The following GPC1 variants were observed in gnomAD, a reference collection of about 807,000 sequenced individuals.
GPC1 encodes glypican-1.
In GPC1, 26 loss-of-function variants were observed where a neutral mutation model predicts 51.5. The observed-to-expected ratio is 0.50, with a 90% CI of 0.37 to 0.70. The LOEUF (loss-of-function observed/expected upper bound fraction) is 0.70, where lower values mean the gene tolerates loss of function less well. GPC1 is among the 30% of genes least tolerant of loss of function. The pLI, the probability that GPC1 is intolerant of heterozygous loss-of-function variation, is 0.00. For missense variants in GPC1, 775 were observed against 800.5 expected (o/e 0.97, Z 0.38); for synonymous variants, 380 against 348.3 (o/e 1.09, Z -1.01).
In GPC1 at chr2:240,465,629, C is replaced by T. The variant is rs757368242; in HGVS notation, c.1425C>T (p.Asp475=). The change falls in exon 8 of 9, where the codon GAC becomes GAT. Residue 475 remains aspartate (D), a synonymous_variant. Transcript: ENST00000264039. ...NRLRSAYNGN[D]VDFQDASDDG... is the part of the protein sequence containing the mutation. Reference sequence around the variant, plus strand: ...TGCGCAGCGCCTACAACGGCAACGACGTGGACTTCCAGGACGCCAGTGAGG... The same window carrying T: ...TGCGCAGCGCCTACAACGGCAACGATGTGGACTTCCAGGACGCCAGTGAGG... The T allele has an allele frequency of 1.7e-5, 27 of 1,612,862 alleles. No individual in the cohort carries two copies. The highest frequency in any genetic ancestry group is 3.3e-4 in the Middle Eastern group (2 of 6,058).
intron 1 of GPC1, chr2:240,452,030 G>C (rs1476384178): frequency 3.3e-5 from 5 of 152,822 alleles, no homozygotes; most frequent in Non-Finnish European, 7.3e-5. Flanking sequence ...GACCGGCCGA[G>C]AGGCCGGAGT....
chr2:240,464,210 G>T lies in GPC1; in HGVS notation c.884-406G>T, dbSNP rs549721978. 1.3e-3 allele frequency: 324 copies of T among 259,168 alleles called. 2 individuals carry two copies. The highest frequency in any genetic ancestry group is 7.0e-3 in the Middle Eastern group (5 of 712). The allele number at this position is 259,168 out of a possible 1,614,324, so 16.1% of individuals were successfully genotyped here. ...ACACACATGAACTAAGGTGTACATG[G>T]GGGGGGCATGAGGTAAGCCAGCATG... is the stretch of plus-strand genomic sequence containing the variant. On this transcript the variant is annotated intron_variant, in intron 4 of 8. Coordinates refer to ENST00000264039, the MANE Select transcript of GPC1 (RefSeq NM_002081.3).
intron 1 of GPC1, among the ~76,000 whole-genome samples, chr2:240,444,354 T>G (rs561360498): frequency 2.0e-5 from 3 of 152,184 alleles, no homozygotes; most frequent in Non-Finnish European, 4.4e-5. Context: ...ACTGAGAAAC[T>G]TGGCTGGGGC....
At chr2:240,458,819 C>T (rs939960306) in intron 1 of GPC1, 12 of 564,820 alleles carry the variant, frequency 2.1e-5, no homozygotes, top group Non-Finnish European at 1.3e-5. Context: ...TCTTGTGTCA[C>T]GTGTGGGAAG....
At chr2:240,452,788 G>T (rs1293914000) in intron 1 of GPC1, 1 of 148,964 alleles carries the variant, frequency 6.7e-6, no homozygotes, top group Admixed American at 6.7e-5. Context: ...TCCCCGCGCC[G>T]GGAGCCACCG....
At chr2:240,450,829 G>A (rs1288833818) in intron 1 of GPC1, 1 of 465,540 alleles carries the variant, frequency 2.1e-6, no homozygotes, top group Admixed American at 2.4e-5. Context: ...AGGTAGGGAG[G>A]CAGGAGCAAG....
chr2:240,457,810 C>A (rs1226856417), intron 1 of GPC1, among the ~76,000 whole-genome samples: 1 of 152,154 alleles, frequency 6.6e-6, no homozygotes, highest in African/African-American at 2.4e-5. Context: ...GCAGGACCTG[C>A]TGCATTCCAG....
intron 4 of GPC1, chr2:240,464,188 C>G (rs954388110): frequency 4.1e-6 from 1 of 242,266 alleles, no homozygotes; most frequent in Admixed American, 4.8e-5. Context: ...ACGCAACACA[C>G]ACATGAACTA....
chr2:240,446,118 G>A (rs1480421843), intron 1 of GPC1, among the ~76,000 whole-genome samples: 1 of 152,270 alleles, frequency 6.6e-6, no homozygotes, highest in Non-Finnish European at 1.5e-5. Flanking sequence ...CCTCGCAGCA[G>A]AGAAGGAGAG....
intron 1 of GPC1, chr2:240,449,850 G>A (rs1176780377): frequency 2.1e-6 from 1 of 470,562 alleles, no homozygotes; most frequent in Non-Finnish European, 4.4e-6. Flanking sequence ...TCGTCCTCAA[G>A]GTTCCTCCAC....
chr2:240,446,139 C>T (rs1261248160), intron 1 of GPC1, among the ~76,000 whole-genome samples: 1 of 152,248 alleles, frequency 6.6e-6, no homozygotes, highest in African/African-American at 2.4e-5. Flanking sequence ...GCTTGGGGCC[C>T]AGTGTGTCTG....
intron 1 of GPC1, 47 bp from the exon 2 acceptor site, chr2:240,458,983 C>G: frequency 1.3e-6 from 2 of 1,582,284 alleles, no homozygotes; most frequent in South Asian, 2.3e-5. Context: ...CTCCTGGCTC[C>G]CAGTGCTGTC....
chr2:240,458,036 C>T (rs1331419906), intron 1 of GPC1: 2 of 470,776 alleles, frequency 4.2e-6, no homozygotes, highest in Non-Finnish European at 8.8e-6. Context: ...AACAGTGTGG[C>T]CCCGTCAGTG....
chr2:240,442,972 C>T (rs1184609533), intron 1 of GPC1, among the ~76,000 whole-genome samples: 1 of 152,262 alleles, frequency 6.6e-6, no homozygotes, highest in Non-Finnish European at 1.5e-5. Flanking sequence ...CCCCACAAGC[C>T]TGGGAGGCCT....
chr2:240,464,204 T>C (rs367669135), intron 4 of GPC1: 9 of 258,760 alleles, frequency 3.5e-5, no homozygotes, highest in African/African-American at 1.7e-4. Context: ...AACTAAGGTG[T>C]ACATGGGGGG....
intron 2 of GPC1, among the ~76,000 whole-genome samples, chr2:240,460,640 CCT>C (rs1370659058): frequency 6.6e-6 from 1 of 152,206 alleles, no homozygotes; most frequent in Non-Finnish European, 1.5e-5. Context: ...CGCCGCCCTC[CCT>C]CTGCTGCCCT....
chr2:240,449,823 GCTT>G (rs1191736848), intron 1 of GPC1: 2 of 469,264 alleles, frequency 4.3e-6, no homozygotes, highest in African/African-American at 4.0e-5. Context: ...TTCGTGTCTG[GCTT>G]CTTTCACTCA....
rs540361463 is a variant in GPC1, at chr2:240,451,401, G to A, written c.167-7629G>A. 186 of 393,378 alleles carry A rather than the reference G, an allele frequency of 4.7e-4. 3 individuals carry two copies. Among genetic ancestry groups the A allele is most frequent in the South Asian group, 3.5e-3 (180 of 51,810 alleles). 24.4% of individuals were successfully genotyped at this position (393,378 alleles called of 1,614,324 possible). A position where few individuals can be genotyped will look rare whatever the true frequency, so the allele number is the denominator to read the frequency against. ...TCCTTGGGTGCCTGTGGCCCCTGCA[G>A]TGGGTGTACGGGAAGCTAGATGGGA... On this transcript the variant is annotated intron_variant, in intron 1 of 8. Transcript: ENST00000264039.
At chr2:240,446,538 T>C (rs768285140) in intron 1 of GPC1, among the ~76,000 whole-genome samples, 6 of 152,212 alleles carry the variant, frequency 3.9e-5, no homozygotes, top group Non-Finnish European at 8.8e-5. Flanking sequence ...ATTTGAGTCA[T>C]GTGAACCCTG....
Sources: allele counts gnomAD v4.1 joint callset (sites outside exome capture counted in the v4.1 genomes callset), GRCh38; gene constraint gnomAD v4.1.1; transcripts MANE v1.5; gene names NCBI Gene and HGNC (gene_info 2026-07-23, HGNC 2026-07-21).